The following RABL6 variants were observed in gnomAD, a reference collection of about 807,000 sequenced individuals.
RABL6 encodes RAB, member RAS oncogene family like 6.
In RABL6, 28 loss-of-function variants were observed where a neutral mutation model predicts 72.9. The ratio of observed to expected loss-of-function variants is 0.38; its 90% CI spans 0.28 to 0.53. RABL6 has a LOEUF of 0.53. RABL6 is among the 20% of genes least tolerant of loss of function. The pLI is 0.80. For synonymous variants in RABL6, 477 were observed against 421.2 expected (o/e 1.13, Z -1.62); for missense variants, 1,029 against 1,008.4 (o/e 1.02, Z -0.28).
chr9:136,813,600 TC>T, intron 1 of RABL6: 1 of 322,110 alleles, frequency 3.1e-6, no homozygotes, highest in South Asian at 3.8e-5. Context: ...TAATCCAATC[TC>T]CACAGCATCT....
At position 136,840,695 on chromosome 9, in the gene RABL6, C is replaced by T; in HGVS notation, c.*173C>T. On this transcript the variant is annotated 3_prime_UTR_variant, in exon 15 of 15. Transcript: ENST00000311502. ...CAGGCTGGGCCCTGCAGGTGCTGGG[C>T]CTTCAGGCCCAGTGTGAGCCTGCTC... The T allele has an allele frequency of 6.5e-7, 1 of 1,548,960 alleles. No homozygotes were observed. The highest frequency in any genetic ancestry group is 8.7e-7 in the Non-Finnish European group (1 of 1,146,842).
chr9:136,829,317 C>CTGTAA, intron 4 of RABL6, 76 bp from the exon 5 acceptor site: 2 of 1,091,136 alleles, frequency 1.8e-6, no homozygotes, highest in Non-Finnish European at 2.7e-6. Context: ...GACTATCCAG[C>CTGTAA]CTTTTCTAAA....
At position 136,840,733 on chromosome 9, in the gene RABL6, G is replaced by T. The variant is rs1368750982; in HGVS notation, c.*211G>T. ...TGTGAGCCTGCTCTGCAAGAAGGGA[G>T]GGGACAGCTGGCTTCAGCCAGGCTC... On this transcript the variant is annotated 3_prime_UTR_variant, in exon 15 of 15. Transcript: ENST00000311502. 10 of 1,548,384 alleles carry T rather than the reference G, an allele frequency of 6.5e-6. No homozygotes were observed. The Admixed American group carries it at 2.0e-4, about 30-fold the overall frequency.
intron 1 of RABL6, chr9:136,821,716 C>A: frequency 9.5e-7 from 1 of 1,050,066 alleles, no homozygotes; most frequent in Non-Finnish European, 1.2e-6. Flanking sequence ...TGCGGCTCCG[C>A]TTGGGGCTGC....
Position 136,837,596 on chromosome 9 carries a change from C to T in RABL6, c.1060C>T (p.Arg354Trp), listed in dbSNP as rs749501929. The T allele has an allele frequency of 2.9e-5, 46 of 1,593,066 alleles. No homozygotes were observed. Among genetic ancestry groups the T allele is most frequent in the Non-Finnish European group, 2.9e-5 (34 of 1,172,152 alleles). Residue 354 changes from arginine (R) to tryptophan (W), a missense_variant, in exon 9 of 15, where the codon CGG (arginine) becomes TGG (tryptophan). By Grantham distance (101) the Arg-to-Trp change is moderately radical (BLOSUM62 -3). Coordinates refer to ENST00000311502, the MANE Select transcript of RABL6 (RefSeq NM_024718.5). ...PPACPSAPAP[R>W]RSIISRLFGT... ...TGCGTGCCCCTCAGCCCCCGCCCCA[C>T]GGCGCAGCATCATCTCTAGGCTGTT...
intron 8 of RABL6, chr9:136,837,079 G>A (rs140657278): frequency 0.015 from 9,117 of 599,978 alleles, 103 homozygotes; most frequent in Non-Finnish European, 0.021. Context: ...GTTTCACTGC[G>A]TTAGCCAGGA....
At chr9:136,808,516 C>T (rs985713481) in intron 1 of RABL6, 190 bp downstream of exon 1, 11 of 447,736 alleles carry the variant, frequency 2.5e-5, no homozygotes, top group East Asian at 1.5e-4. Context: ...AGGGCCGGGT[C>T]CTCGCGGCCC....
chr9:136,825,876 G>A (rs370866918), intron 3 of RABL6, 50 bp downstream of exon 3: 212 of 1,564,866 alleles, frequency 1.4e-4, no homozygotes, highest in Middle Eastern at 3.3e-4. Flanking sequence ...TGTGTGCTCT[G>A]CGCAGAGAGG....
At chr9:136,833,454 G>C (rs1462505953) in intron 7 of RABL6, 1 of 480,370 alleles carries the variant, frequency 2.1e-6, no homozygotes, top group Non-Finnish European at 3.8e-6. Context: ...TGGGTCTGGG[G>C]GACCTGTACC....
chr9:136,822,075 AG>A, intron 1 of RABL6: 1 of 1,289,106 alleles, frequency 7.8e-7, no homozygotes, highest in Non-Finnish European at 1.0e-6. Context: ...AGGTAGAGGG[AG>A]GGGACTGGGC....
Position 136,841,125 on chromosome 9 carries a change from G to C in RABL6, c.*603G>C, listed in dbSNP as rs1383928232. Reference sequence around the variant, plus strand: ...CCCGCTCAGGTGAGCCCGAAGGCAGGAGCCGGGAGGCACTCCTCCCAAACA... The same window carrying C: ...CCCGCTCAGGTGAGCCCGAAGGCAGCAGCCGGGAGGCACTCCTCCCAAACA... On this transcript the variant is annotated 3_prime_UTR_variant, in exon 15 of 15. Coordinates refer to ENST00000311502, the MANE Select transcript of RABL6 (RefSeq NM_024718.5). 3 of 1,194,346 alleles carry C rather than the reference G, an allele frequency of 2.5e-6. No individual in the cohort carries two copies. The African/African-American group carries it at 4.7e-5, about 19-fold the overall frequency. The allele number at this position is 1,194,346 out of a possible 1,614,324, so 74.0% of individuals were successfully genotyped here. A position where few individuals can be genotyped will look rare whatever the true frequency, so the allele number is the denominator to read the frequency against.
chr9:136,833,801 T>G, intron 7 of RABL6: 2 of 1,550,548 alleles, frequency 1.3e-6, no homozygotes, highest in Non-Finnish European at 1.7e-6. Flanking sequence ...AGGCTGGGAC[T>G]GCTGCTGGGG....
At chr9:136,819,324 G>GAAAAAAAAAAAAAAAAAAAAAAAAA (rs57726746) in intron 1 of RABL6, among the ~76,000 whole-genome samples, 1 of 58,936 alleles carries the variant, frequency 1.7e-5, no homozygotes, top group Non-Finnish European at 4.6e-5. Flanking sequence ...TCCGTCTCAA[G>GAAAAAAAAAAAAAAAAAAAAAAAAA]AAAAAAAAAA....
intron 1 of RABL6, among the ~76,000 whole-genome samples, chr9:136,810,990 T>C (rs760767886): frequency 1.3e-5 from 2 of 152,200 alleles, no homozygotes; most frequent in African/African-American, 2.4e-5. Flanking sequence ...CTGCATTTGC[T>C]CGGAGTTGCT....
chr9:136,839,920 G>A, intron 13 of RABL6, 55 bp downstream of exon 13: 3 of 1,568,476 alleles, frequency 1.9e-6, no homozygotes, highest in African/African-American at 2.7e-5. Context: ...TAGAACGTGG[G>A]CCTCCTCCCA....
intron 1 of RABL6, chr9:136,821,884 G>T (rs1588354888): frequency 7.9e-7 from 1 of 1,272,696 alleles, no homozygotes; most frequent in African/African-American, 1.5e-5. Flanking sequence ...CCCCCAGCCG[G>T]TGCGGCCGCC....
At chr9:136,824,326 GTTTTT>G (rs34760204) in intron 2 of RABL6, among the ~76,000 whole-genome samples, 10 of 75,052 alleles carry the variant, frequency 1.3e-4, no homozygotes, top group South Asian at 5.4e-4. Context: ...GTTTGGTTGG[GTTTTT>G]TTTTTTTTTT....
At chr9:136,814,227 G>C in intron 1 of RABL6, 13 of 226,808 alleles carry the variant, frequency 5.7e-5, no homozygotes. Context: ...GTCTTGCTCT[G>C]TTACCCAGGC....
At chr9:136,829,655 G>A (rs1370911460) in intron 5 of RABL6, among the ~76,000 whole-genome samples, 171 bp downstream of exon 5, 3 of 152,346 alleles carry the variant, frequency 2.0e-5, no homozygotes, top group Middle Eastern at 3.4e-3. Flanking sequence ...CCTGGATGTC[G>A]GGCTGGGCAA....
Sources: allele counts gnomAD v4.1 joint callset (sites outside exome capture counted in the v4.1 genomes callset), GRCh38; gene constraint gnomAD v4.1.1; transcripts MANE v1.5; gene names NCBI Gene and HGNC (gene_info 2026-07-23, HGNC 2026-07-21).